THADA: variants seen among roughly 807,000 people sequenced by gnomAD.
THADA encodes the protein THADA armadillo repeat containing.
In THADA, 213 loss-of-function variants were observed where a neutral mutation model predicts 219.8. The observed-to-expected ratio is 0.97, with a 90% confidence interval of 0.87 to 1.09. THADA has a LOEUF of 1.09. THADA is among the 50% of genes least tolerant of loss of function. The probability of loss-of-function intolerance (pLI) is 0.00; values close to 1 mark genes in which losing one functional copy is unlikely to be tolerated. For missense variants in THADA, 2,956 were observed against 2,311.3 expected (o/e 1.28, Z -5.72); for synonymous variants, 1,018 against 828.9 (o/e 1.23, Z -3.92).
chr2:43,379,326 T>A (rs1302716353), intron 29 of THADA, among the ~76,000 whole-genome samples: 3 of 151,992 alleles, frequency 2.0e-5, no homozygotes, highest in African/African-American at 7.2e-5. Flanking sequence ...CACAACTATT[T>A]AATACAATTG....
intron 28 of THADA, among the ~76,000 whole-genome samples, chr2:43,424,787 A>G (rs1221026673): frequency 1.3e-5 from 2 of 152,206 alleles, no homozygotes; most frequent in Admixed American, 1.3e-4. Context: ...GGTGGCCAAG[A>G]AAGAAGAGCC....
intron 21 of THADA, among the ~76,000 whole-genome samples, chr2:43,530,401 T>C (rs1040949924): frequency 6.6e-6 from 1 of 152,228 alleles, no homozygotes; most frequent in Non-Finnish European, 1.5e-5. Context: ...TGAAGCCCGA[T>C]AATCCTATAA....
intron 15 of THADA, chr2:43,562,721 C>T (rs892060191): frequency 8.5e-5 from 13 of 152,184 alleles, no homozygotes; most frequent in African/African-American, 3.1e-4. Flanking sequence ...TGAACCTTCT[C>T]TTCCTCTGTG....
intron 26 of THADA, among the ~76,000 whole-genome samples, chr2:43,439,476 T>G (rs901689342): frequency 8.5e-5 from 13 of 152,358 alleles, no homozygotes; most frequent in Admixed American, 3.9e-4. Flanking sequence ...ATCCATGTTG[T>G]ATATGCCACC....
intron 30 of THADA, among the ~76,000 whole-genome samples, chr2:43,327,310 G>T (rs1679443176): frequency 6.6e-6 from 1 of 152,082 alleles, no homozygotes; most frequent in African/African-American, 2.4e-5. Flanking sequence ...AGAAGTACTA[G>T]AAGCTTCTTG....
chr2:43,595,501 C>T (rs1702049452), intron 1 of THADA: 1 of 152,334 alleles, frequency 6.6e-6, no homozygotes, highest in South Asian at 2.1e-4. Context: ...GAGGGCTACA[C>T]AAAAGCAGAC....
chr2:43,585,103 G>C (rs565013872), intron 7 of THADA, among the ~76,000 whole-genome samples: 23 of 152,152 alleles, frequency 1.5e-4, no homozygotes, highest in African/African-American at 5.1e-4. Context: ...GTTTCCCCAA[G>C]GAAGAGTTAC....
rs374128963 is a variant in THADA, at chr2:43,232,884, T to C, written c.5297-2A>G. ...CATCCACCTGGCAGAAGGCAAACTC[T>C]GCAAAGACAGGAGAAAGGTGAGCAA... is the stretch of plus-strand genomic sequence containing the variant. On this transcript the variant is annotated splice_acceptor_variant, in intron 36 of 37. Transcript: ENST00000405975. LOFTEE classifies it high-confidence loss of function. 1.2e-6 allele frequency: 2 copies of C among 1,607,062 alleles called. No individual in the cohort carries two copies. The highest frequency in any genetic ancestry group is 1.7e-6 in the Non-Finnish European group (2 of 1,177,238).
chr2:43,467,626 T>C (rs527806126), intron 26 of THADA, among the ~76,000 whole-genome samples: 1 of 152,374 alleles, frequency 6.6e-6, no homozygotes, highest in Non-Finnish European at 1.5e-5. Context: ...AGACTTCTCC[T>C]GAAAGTTGAG....
chr2:43,566,607 A>G, intron 15 of THADA, 91 bp downstream of exon 15: 1 of 1,407,838 alleles, frequency 7.1e-7, no homozygotes, highest in Non-Finnish European at 1.0e-6. Context: ...GAAAGGCAAC[A>G]AAACTGAAAC....
chr2:43,282,864 G>C (rs1415266767), intron 35 of THADA, among the ~76,000 whole-genome samples: 1 of 152,202 alleles, frequency 6.6e-6, no homozygotes, highest in Non-Finnish European at 1.5e-5. Flanking sequence ...AGTGAGGAGA[G>C]ACATGGACGT....
Position 43,556,485 on chromosome 2 carries a change from C to T in THADA, c.2534G>A (p.Cys845Tyr), listed in dbSNP as rs1387902320. 2 of 1,613,932 alleles carry T rather than the reference C, an allele frequency of 1.2e-6. No individual in the cohort carries two copies. The highest frequency in any genetic ancestry group is 1.7e-5 in the Admixed American group (1 of 60,006). The stretch of plus-strand genomic sequence containing the variant: ...GTTCAGCAGGTAGGAAGCTGTCACA[C>T]AGTCGTATGGTTTGGTGCTTGTGCT... ...ELSTSTKPYD[C>Y]VTASYLLNFL... Residue 845 changes from cysteine (C) to tyrosine (Y), a missense_variant, in exon 17 of 38, where the codon TGT (cysteine) becomes TAT (tyrosine). Transcript: ENST00000405975.
chr2:43,480,956 T>C (rs1686142840), intron 26 of THADA, among the ~76,000 whole-genome samples: 1 of 152,244 alleles, frequency 6.6e-6, no homozygotes, highest in African/African-American at 2.4e-5. Flanking sequence ...TGAATTCTAA[T>C]AATTACATTC....
chr2:43,574,587 T>C lies in THADA; in HGVS notation c.1478A>G (p.Tyr493Cys), dbSNP rs761056362. The stretch of plus-strand genomic sequence containing the variant: ...CATGGTTTCCAAGAGGTCACTTGCA[T>C]AAGGTACCAATGACTGGTCTCCCAT... ...EVMGDQSLVP[Y>C]ASDLLETMFR... The change falls in exon 11 of 38, where the codon TAT (tyrosine) becomes TGT (cysteine). Residue 493 changes from tyrosine (Y) to cysteine (C), a missense_variant. Physicochemically the swap from Tyr to Cys is radical, Grantham distance 194 (BLOSUM62 -2). Transcript: ENST00000405975. The C allele has an allele frequency of 3.1e-6, 5 of 1,613,810 alleles. No homozygotes were observed. The East Asian group carries it at 8.9e-5, about 29-fold the overall frequency.
At chr2:43,448,098 C>T (rs975293830) in intron 26 of THADA, among the ~76,000 whole-genome samples, 3 of 152,064 alleles carry the variant, frequency 2.0e-5, no homozygotes, top group East Asian at 1.9e-4. Flanking sequence ...AATAAAGCAT[C>T]GAAACAAAAC....
intron 4 of THADA, among the ~76,000 whole-genome samples, chr2:43,589,819 C>T (rs974743990): frequency 1.3e-5 from 2 of 150,962 alleles, no homozygotes; most frequent in African/African-American, 4.9e-5. Flanking sequence ...TGCCCAAAAA[C>T]CTATCGAAAT....
chr2:43,515,172 T>TATATATA (rs1691374053), intron 22 of THADA, among the ~76,000 whole-genome samples: 4 of 3,894 alleles, frequency 1.0e-3, no homozygotes, highest in Non-Finnish European at 1.6e-3. Flanking sequence ...TATAATATAT[T>TATATATA]ATATATTATA....
At position 43,512,172 on chromosome 2, in the gene THADA, G is replaced by A. The variant is rs1218684654; in HGVS notation, c.3375-3392C>T. On this transcript the variant is annotated intron_variant, in intron 22 of 37. Transcript: ENST00000405975. Reference sequence around the variant, plus strand: ...TCTGCCCACTGCACCATGGACCCAGGAACCTCATGAGCTCTGGGAAATGCT... The same window carrying A: ...TCTGCCCACTGCACCATGGACCCAGAAACCTCATGAGCTCTGGGAAATGCT... Among the ~76,000 whole-genome samples, 6 of 152,282 alleles carry A rather than the reference G, an allele frequency of 3.9e-5. No homozygotes were observed. The South Asian group carries it at 1.0e-3, about 26-fold the overall frequency.
chr2:43,324,961 A>C (rs549331105), intron 30 of THADA, among the ~76,000 whole-genome samples: 1 of 152,356 alleles, frequency 6.6e-6, no homozygotes, highest in South Asian at 2.1e-4. Flanking sequence ...AAGGAGGAGA[A>C]GGAATCCAGC....
Sources: allele counts gnomAD v4.1 joint callset (sites outside exome capture counted in the v4.1 genomes callset), GRCh38; gene constraint gnomAD v4.1.1; transcripts MANE v1.5; gene names NCBI Gene and HGNC (gene_info 2026-07-23, HGNC 2026-07-21).